NBPF14: variants seen among roughly 807,000 people sequenced by gnomAD.
NBPF14 encodes the protein NBPF family member NBPF14.
Under a neutral mutation model 91.2 loss-of-function variants are expected in NBPF14, and 104 were observed. That is an observed-to-expected ratio of 1.14 (90% CI 0.97 to 1.34). The LOEUF (loss-of-function observed/expected upper bound fraction) is 1.34, where lower values mean the gene tolerates loss of function less well. Among genes scored for constraint, NBPF14 ranks in the 40% most tolerant of loss-of-function variants. The pLI, the probability that NBPF14 is intolerant of heterozygous loss-of-function variation, is 0.00. For missense variants in NBPF14, 908 were observed against 783.0 expected (o/e 1.16, Z -1.91); for synonymous variants, 294 against 303.8 (o/e 0.97, Z 0.34).
chr1:148,580,408 T>A, intron 12 of NBPF14, among the ~76,000 whole-genome samples: 1 of 35,904 alleles, frequency 2.8e-5, no homozygotes, highest in African/African-American at 1.1e-4. Flanking sequence ...GAAAAAAGAG[T>A]AAAAAGAAAT....
In NBPF14 at chr1:148,534,979, G is replaced by T. The variant is rs1333728107; in HGVS notation, c.8442-123C>A. The T allele has an allele frequency of 5.2e-4, 384 of 731,646 alleles. 3 individuals carry two copies. The South Asian group carries it at 5.4e-3, about 10-fold the overall frequency. The allele number at this position is 731,646 out of a possible 1,614,324, so 45.3% of individuals were successfully genotyped here. A position where few individuals can be genotyped will look rare whatever the true frequency, so the allele number is the denominator to read the frequency against. ...AGAAAAAGGACAGATCCATTAATGAGGTAACGAATTATTGCCTTTATGTTG... is the reference window on the plus strand; with the variant it reads ...AGAAAAAGGACAGATCCATTAATGATGTAACGAATTATTGCCTTTATGTTG... On this transcript the variant is annotated intron_variant, in intron 68 of 70. Transcript: ENST00000619423.
intron 64 of NBPF14, 23 bp from the exon 65 acceptor site, chr1:148,538,029 A>C: frequency 4.3e-6 from 1 of 232,668 alleles, no homozygotes; most frequent in Non-Finnish European, 7.4e-6. Context: ...GAAAAAGTAA[A>C]GAATAAGCCA....
chr1:148,579,672 AC>A (rs1660596477), intron 12 of NBPF14, among the ~76,000 whole-genome samples: 1 of 150,792 alleles, frequency 6.6e-6, no homozygotes, highest in African/African-American at 2.4e-5. Flanking sequence ...TAATATATTT[AC>A]TTTTTCAATT....
Position 148,566,508 on chromosome 1 carries a change from G to GACACAC in NBPF14, c.3543-199_3543-194dup, listed in dbSNP as rs1170223898. 2.7e-4 allele frequency among the ~76,000 whole-genome samples: 33 copies of GACACAC among 122,102 alleles called. 1 individual carries two copies. The highest frequency in any genetic ancestry group is 4.2e-3 in the Middle Eastern group (1 of 240). The allele number at this position is 122,102 out of a possible 152,430, so 80.1% of individuals were successfully genotyped here. On this transcript the variant is annotated intron_variant, in intron 28 of 70. Coordinates refer to ENST00000619423, the Ensembl canonical transcript of NBPF14. ...TGGAAAAGAATGAAAGAGAAAGACA[G>GACACAC]ACACACACACACACACACACACACA...
chr1:148,557,645 T>G, intron 39 of NBPF14, 103 bp from the exon 40 acceptor site: 2 of 594,640 alleles, frequency 3.4e-6, no homozygotes, highest in South Asian at 1.8e-5. Flanking sequence ...CTCCTCAGCA[T>G]GAGAACAGGA....
Position 148,593,445 on chromosome 1 carries a change from G to C in NBPF14, c.278+153C>G, listed in dbSNP as rs1226783510. On this transcript the variant is annotated intron_variant, in intron 3 of 70. Transcript: ENST00000619423. Reference sequence around the variant, plus strand: ...CAACAGAGAACTTATTATTATCCTTGTTCTCTGATAAATATTTTTGTGTCA... The same window carrying C: ...CAACAGAGAACTTATTATTATCCTTCTTCTCTGATAAATATTTTTGTGTCA... Among the ~76,000 whole-genome samples the C allele has an allele frequency of 2.0e-5, 3 of 147,464 alleles. 1 individual carries two copies. The highest frequency in any genetic ancestry group is 4.5e-5 in the Non-Finnish European group (3 of 66,130).
chr1:148,534,870 A>T lies in NBPF14; in HGVS notation c.8442-14T>A. 1.2e-6 allele frequency: 1 copy of T among 841,430 alleles called. No individual in the cohort carries two copies. Among genetic ancestry groups the T allele is most frequent in the Non-Finnish European group, 2.0e-6 (1 of 489,566 alleles). The allele number at this position is 841,430 out of a possible 1,614,324, so 52.1% of individuals were successfully genotyped here. ...TCCCTGCTGAGCCTGGAAAAGTAGG[A>T]AAAAGTAAAGAATAAGCCAGGGGGA... On this transcript the variant is annotated splice_polypyrimidine_tract_variant and intron_variant, in intron 68 of 70. Transcript: ENST00000619423.
In NBPF14 at chr1:148,591,336, G is replaced by A. The variant is rs1213718847; in HGVS notation, c.566+96C>T. 5.5e-5 allele frequency: 80 copies of A among 1,448,146 alleles called. 2 individuals are homozygous for A. The African/African-American group carries it at 5.6e-4, about 10-fold the overall frequency. The allele number at this position is 1,448,146 out of a possible 1,614,324, so 89.7% of individuals were successfully genotyped here. A position where few individuals can be genotyped will look rare whatever the true frequency, so the allele number is the denominator to read the frequency against. On this transcript the variant is annotated intron_variant, in intron 5 of 70. Transcript: ENST00000619423. ...TCACATACTGTGGCCAAGGGAATGC[G>A]GGCATTTGGCCCATCATAGATGCCA...
chr1:148,577,692 AG>A (rs1179961036), intron 14 of NBPF14, among the ~76,000 whole-genome samples: 1 of 147,116 alleles, frequency 6.8e-6, no homozygotes, highest in Admixed American at 6.7e-5. Context: ...GATCATGAAA[AG>A]CATGTCCTCA....
intron 13 of NBPF14, among the ~76,000 whole-genome samples, chr1:148,578,873 G>C (rs1434351704): frequency 1.3e-5 from 2 of 148,934 alleles, no homozygotes; most frequent in Non-Finnish European, 3.0e-5. Context: ...CCTGAGACTA[G>C]GAAGAGAGTA....
At chr1:148,571,279 A>T (rs1659123101) in intron 22 of NBPF14, among the ~76,000 whole-genome samples, 1 of 90,094 alleles carries the variant, frequency 1.1e-5, no homozygotes, top group Non-Finnish European at 2.0e-5. Flanking sequence ...ACACACAGAG[A>T]GAGAGAGAGA....
chr1:148,576,062 C>T (rs1659654181), intron 16 of NBPF14, among the ~76,000 whole-genome samples: 1 of 146,140 alleles, frequency 6.8e-6, no homozygotes, highest in South Asian at 2.2e-4. Flanking sequence ...CCGGGTGACA[C>T]ACTGATGAAG....
intron 12 of NBPF14, among the ~76,000 whole-genome samples, chr1:148,579,960 A>G (rs1660657481): frequency 6.6e-6 from 1 of 152,076 alleles, no homozygotes; most frequent in South Asian, 2.1e-4. Flanking sequence ...ATCATCAAAG[A>G]CCAAGGGTAG....
At position 148,559,472 on chromosome 1, in the gene NBPF14, G is replaced by A. The variant is rs1163554087; in HGVS notation, c.4729+321C>T. Among the ~76,000 whole-genome samples, 4 of 130,358 alleles carry A rather than the reference G, an allele frequency of 3.1e-5. 1 individual carries two copies. Among genetic ancestry groups the A allele is most frequent in the East Asian group, 2.3e-4 (1 of 4,322 alleles). 85.5% of individuals were successfully genotyped at this position (130,358 alleles called of 152,430 possible). On this transcript the variant is annotated intron_variant, in intron 37 of 70. Transcript: ENST00000619423. ...TTTCAGACGCTGAAATTAGAGTGAA[G>A]GATGAAATCTACAAGATCTACAAAA... is the stretch of plus-strand genomic sequence containing the variant.
exon 71 of NBPF14, chr1:148,532,395 T>A (rs1433626205): frequency 5.5e-5 from 9 of 163,468 alleles, no homozygotes; most frequent in Non-Finnish European, 8.1e-5. Flanking sequence ...GGCCTCCCAA[T>A]GCTGTTTGTC....
chr1:148,577,426 A>C (rs1660028788), intron 14 of NBPF14, 71 bp from the exon 15 acceptor site: 1 of 662,642 alleles, frequency 1.5e-6, no homozygotes, highest in East Asian at 2.7e-5. Flanking sequence ...GCTAGATTTC[A>C]TGGCTAACGT....
chr1:148,564,370 T>G (rs1242674813), intron 31 of NBPF14, among the ~76,000 whole-genome samples, 169 bp downstream of exon 31: 2 of 74,084 alleles, frequency 2.7e-5, no homozygotes, highest in South Asian at 5.9e-4. Context: ...GACCCATCCC[T>G]TGTCTGGGCT....
At chr1:148,534,580 G>T in intron 69 of NBPF14, 104 bp downstream of exon 69, 3 of 822,110 alleles carry the variant, frequency 3.6e-6, no homozygotes, top group Non-Finnish European at 4.3e-6. Context: ...TCCTGCCTGC[G>T]GCAATGACAT....
Position 148,566,316 on chromosome 1 carries a change from C to A in NBPF14, c.3543-1G>T, listed in dbSNP as rs1447363129. 159 of 749,036 alleles carry A rather than the reference C, an allele frequency of 2.1e-4. 19 individuals carry two copies. Among genetic ancestry groups the A allele is most frequent in the Non-Finnish European group, 2.4e-4 (102 of 425,050 alleles). 46.4% of individuals were successfully genotyped at this position (749,036 alleles called of 1,614,324 possible). A position where few individuals can be genotyped will look rare whatever the true frequency, so the allele number is the denominator to read the frequency against. The stretch of plus-strand genomic sequence containing the variant: ...TACCTCCAGCAGCTCCCTGCTGAGC[C>A]TGGAAAAGGAGGAAAAGGTAAAGAA... On this transcript the variant is annotated splice_acceptor_variant, in intron 28 of 70. Transcript: ENST00000619423. LOFTEE classifies it high-confidence loss of function.
Sources: allele counts gnomAD v4.1 joint callset (sites outside exome capture counted in the v4.1 genomes callset), GRCh38; gene constraint gnomAD v4.1.1; transcripts MANE v1.5; gene names NCBI Gene and HGNC (gene_info 2026-07-23, HGNC 2026-07-21).